The following LRP1B variants were observed in gnomAD, a reference collection of about 807,000 sequenced individuals.
LRP1B encodes low-density lipoprotein receptor-related protein 1B.
LRP1B carries 217 observed loss-of-function variants against 556.6 expected under a neutral mutation model. The ratio of observed to expected loss-of-function variants is 0.39; its 90% CI spans 0.35 to 0.44. LRP1B has a LOEUF of 0.44. Ranked by LOEUF, LRP1B falls within the 20% of genes least tolerant of loss-of-function variation. The pLI, the probability that LRP1B is intolerant of heterozygous loss-of-function variation, is 1.00. For missense variants in LRP1B, 5,053 were observed against 5,620.8 expected (o/e 0.90, Z 3.23); for synonymous variants, 2,047 against 1,865.8 (o/e 1.10, Z -2.50).
At position 140,234,896 on chromosome 2, in the gene LRP1B, C is replaced by A. The variant is rs765153966; in HGVS notation, c.13561-12G>T. The A allele has an allele frequency of 1.3e-6, 1 of 760,626 alleles. No homozygotes were observed. Among genetic ancestry groups the A allele is most frequent in the East Asian group, 2.5e-5 (1 of 40,794 alleles). The allele number at this position is 760,626 out of a possible 1,614,324, so 47.1% of individuals were successfully genotyped here. A position where few individuals can be genotyped will look rare whatever the true frequency, so the allele number is the denominator to read the frequency against. ...CCTATGTACCTGGCCTGTATATAAA[C>A]AGAAAATTTTAGTTTCTGATCTAAT... On this transcript the variant is annotated splice_polypyrimidine_tract_variant and intron_variant, in intron 89 of 90. Transcript: ENST00000389484.
At chr2:141,597,028 C>T (rs751797940) in intron 2 of LRP1B, among the ~76,000 whole-genome samples, 11 of 149,118 alleles carry the variant, frequency 7.4e-5, no homozygotes, top group Non-Finnish European at 1.2e-4. Context: ...TATACATACA[C>T]GCACAAACAC....
chr2:141,108,419 G>A (rs1187528167), intron 7 of LRP1B, among the ~76,000 whole-genome samples: 2 of 134,650 alleles, frequency 1.5e-5, no homozygotes, highest in Admixed American at 8.8e-5. Context: ...CACAATCTCG[G>A]CTCACTGCAA....
At chr2:140,780,808 A>G (rs980818817) in intron 32 of LRP1B, among the ~76,000 whole-genome samples, 13 of 152,162 alleles carry the variant, frequency 8.5e-5, no homozygotes, top group African/African-American at 3.1e-4. Context: ...TTTTATTGCT[A>G]CAGGAGACTA....
At chr2:141,297,371 G>T (rs1193549579) in intron 3 of LRP1B, among the ~76,000 whole-genome samples, 1 of 152,204 alleles carries the variant, frequency 6.6e-6, no homozygotes, top group Non-Finnish European at 1.5e-5. Flanking sequence ...ATTTAAATTA[G>T]TTCAGCCACT....
intron 35 of LRP1B, among the ~76,000 whole-genome samples, chr2:140,758,275 T>C (rs1238087382): frequency 7.5e-6 from 1 of 132,542 alleles, no homozygotes. Context: ...AGAGCGTTCA[T>C]GTTAGAATGT....
At chr2:140,703,783 C>A (rs1686731166) in intron 37 of LRP1B, among the ~76,000 whole-genome samples, 1 of 152,122 alleles carries the variant, frequency 6.6e-6, no homozygotes, top group Non-Finnish European at 1.5e-5. Context: ...CTTTTCTGTT[C>A]CTGCATCAAT....
chr2:140,322,225 A>C, intron 81 of LRP1B, 137 bp from the exon 82 acceptor site: 1 of 758,186 alleles, frequency 1.3e-6, no homozygotes, highest in Admixed American at 3.0e-5. Flanking sequence ...GATGTGGAGT[A>C]TCTCACTCAA....
intron 90 of LRP1B, among the ~76,000 whole-genome samples, chr2:140,233,747 G>T (rs1680573821): frequency 1.3e-5 from 2 of 151,282 alleles, no homozygotes; most frequent in Non-Finnish European, 3.0e-5. Context: ...AAAAACATTT[G>T]TTTGGTGCTT....
At chr2:140,462,527 A>G (rs1687366531) in intron 60 of LRP1B, among the ~76,000 whole-genome samples, 1 of 152,180 alleles carries the variant, frequency 6.6e-6, no homozygotes, top group African/African-American at 2.4e-5. Flanking sequence ...CTGCTAAATC[A>G]TTATAGTTGA....
chr2:141,150,869 T>G (rs67899921), intron 7 of LRP1B, among the ~76,000 whole-genome samples: 9,750 of 138,690 alleles, frequency 0.07, 570 homozygotes, highest in East Asian at 0.27. Flanking sequence ...TCATGCTGGT[T>G]TGTGTGTGTG....
chr2:141,307,511 G>A (rs752376944), intron 3 of LRP1B, among the ~76,000 whole-genome samples: 1 of 152,052 alleles, frequency 6.6e-6, no homozygotes, highest in Non-Finnish European at 1.5e-5. Context: ...CAGATGAGAT[G>A]AGTCTCTTAT....
rs1211665488 is a variant in LRP1B at position 140,700,564 on chromosome 2, C to T, written c.6485G>A (p.Gly2162Glu). 7 of 1,613,412 alleles carry T rather than the reference C, an allele frequency of 4.3e-6. No individual in the cohort carries two copies. The highest frequency in any genetic ancestry group is 3.3e-4 in the Middle Eastern group (2 of 6,082). Reference sequence around the variant, plus strand: ...ACAAGCACAAGTTCTCCGGGAATTTCCTCGATAAAGACAGAGTTGCTTACA... The same window carrying T: ...ACAAGCACAAGTTCTCCGGGAATTTTCTCGATAAAGACAGAGTTGCTTACA... ...GGCKQLCLYRGNSRRTCACAH... is the reference protein window; with the variant it reads ...GGCKQLCLYRENSRRTCACAH... Residue 2162 changes from glycine to glutamate, a missense_variant, in exon 41 of 91, where the codon GGA (glycine) becomes GAA (glutamate). Physicochemically the swap from Gly to Glu is moderately conservative, Grantham distance 98. Transcript: ENST00000389484.
At chr2:140,378,389 G>T (rs1437326969) in intron 67 of LRP1B, 103 bp from the exon 68 acceptor site, 1 of 625,100 alleles carries the variant, frequency 1.6e-6, no homozygotes, top group Non-Finnish European at 2.8e-6. Context: ...AAAAAAAGAG[G>T]TTAGTCAGAC....
At chr2:141,253,449 A>G (rs1684341331) in intron 4 of LRP1B, among the ~76,000 whole-genome samples, 1 of 152,174 alleles carries the variant, frequency 6.6e-6, no homozygotes, top group South Asian at 2.1e-4. Context: ...AAAGCAAACA[A>G]CAAACTAAAA....
intron 2 of LRP1B, among the ~76,000 whole-genome samples, chr2:141,511,590 C>T (rs575667551): frequency 1.3e-5 from 2 of 152,156 alleles, no homozygotes; most frequent in South Asian, 2.1e-4. Flanking sequence ...GTAAAACATT[C>T]GAAATTTAAA....
At chr2:142,096,655 A>G (rs115319002) in intron 1 of LRP1B, among the ~76,000 whole-genome samples, 16 of 151,814 alleles carry the variant, frequency 1.1e-4, no homozygotes, top group African/African-American at 3.9e-4. Flanking sequence ...TGTCAGCTCT[A>G]CATTACCTAT....
intron 3 of LRP1B, among the ~76,000 whole-genome samples, chr2:141,413,756 T>C (rs775712559): frequency 2.6e-5 from 4 of 151,800 alleles, no homozygotes; most frequent in Non-Finnish European, 5.9e-5. Flanking sequence ...TGGTGGTGCA[T>C]GCCTGTTGTC....
chr2:141,567,392 A>G (rs1424603694), intron 2 of LRP1B, among the ~76,000 whole-genome samples: 2 of 152,182 alleles, frequency 1.3e-5, no homozygotes, highest in African/African-American at 2.4e-5. Context: ...TGTTTCAAAG[A>G]ACAAAAACCA....
chr2:140,282,742 T>C (rs538984678), intron 84 of LRP1B, among the ~76,000 whole-genome samples: 93 of 151,890 alleles, frequency 6.1e-4, no homozygotes, highest in African/African-American at 2.2e-3. Context: ...AAGGTTCAAA[T>C]GTCAGATGTT....
Sources: gnomAD v4.1 joint callset for allele counts (sites outside exome capture counted in the v4.1 genomes callset) on GRCh38, gnomAD v4.1.1 for gene constraint, MANE v1.5 for transcripts, NCBI Gene and HGNC (gene_info 2026-07-23, HGNC 2026-07-21) for gene names.